The following CACNA1H variants were observed in gnomAD, a reference collection of about 807,000 sequenced individuals.
CACNA1H encodes the protein voltage-dependent T-type calcium channel subunit alpha-1H.
In CACNA1H, 149 loss-of-function variants were observed where a neutral mutation model predicts 192.5. That is an observed-to-expected ratio of 0.77 (90% CI 0.68 to 0.89). CACNA1H has a LOEUF of 0.89. Among genes scored for constraint, CACNA1H ranks in the 40% least tolerant of loss-of-function variants. CACNA1H has a pLI of 0.00. For missense variants in CACNA1H, 4,257 were observed against 3,423.5 expected (o/e 1.24, Z -6.08); for synonymous variants, 2,202 against 1,475.2 (o/e 1.49, Z -11.29).
At chr16:1,200,924 A>G in intron 8 of CACNA1H, 116 bp downstream of exon 8, 1 of 765,200 alleles carries the variant, frequency 1.3e-6, no homozygotes, top group Non-Finnish European at 2.2e-6. Flanking sequence ...TGAAGGGAGC[A>G]CACAGGGGAG....
At chr16:1,194,669 C>T (rs1170308826) in intron 2 of CACNA1H, among the ~76,000 whole-genome samples, 1 of 152,182 alleles carries the variant, frequency 6.6e-6, no homozygotes, top group Non-Finnish European at 1.5e-5. Flanking sequence ...GGCCTCACTA[C>T]CGATGCGGCC....
chr16:1,217,619 G>C (rs914473007), intron 31 of CACNA1H, among the ~76,000 whole-genome samples: 2 of 152,196 alleles, frequency 1.3e-5, no homozygotes, highest in African/African-American at 4.8e-5. Flanking sequence ...GTCAGCCGGC[G>C]CCTACTCATC....
At chr16:1,161,436 C>T (rs767450944) in intron 2 of CACNA1H, among the ~76,000 whole-genome samples, 1 of 152,232 alleles carries the variant, frequency 6.6e-6, no homozygotes, top group Non-Finnish European at 1.5e-5. Flanking sequence ...CCTCACTGGC[C>T]TGAGGACTGA....
chr16:1,185,002 CCTCA>C (rs1279276031), intron 2 of CACNA1H, among the ~76,000 whole-genome samples: 1 of 152,158 alleles, frequency 6.6e-6, no homozygotes, highest in Non-Finnish European at 1.5e-5. Flanking sequence ...GGAATGTTTC[CCTCA>C]CTCCAGAAGG....
intron 2 of CACNA1H, among the ~76,000 whole-genome samples, chr16:1,168,189 G>A (rs538743849): frequency 6.7e-6 from 1 of 150,006 alleles, no homozygotes; most frequent in Non-Finnish European, 1.5e-5. Context: ...CGGTTGATGT[G>A]GGATCCCCCC....
chr16:1,205,606 A>G (rs1968600409), intron 11 of CACNA1H, among the ~76,000 whole-genome samples: 2 of 152,244 alleles, frequency 1.3e-5, no homozygotes, highest in African/African-American at 2.4e-5. Flanking sequence ...ACCAGCTTAA[A>G]AGGCTGAATC....
chr16:1,175,265 G>A (rs898018833), intron 2 of CACNA1H, among the ~76,000 whole-genome samples: 18 of 152,164 alleles, frequency 1.2e-4, no homozygotes, highest in African/African-American at 4.1e-4. Context: ...GTGTAGGTGT[G>A]CCTACCAAGG....
At chr16:1,207,905 C>T (rs924657665) in intron 15 of CACNA1H, 45 bp downstream of exon 15, 24 of 1,548,364 alleles carry the variant, frequency 1.6e-5, no homozygotes, top group East Asian at 9.7e-5. Flanking sequence ...GGGTGGAGTA[C>T]GCTGGGCTGG....
At chr16:1,163,577 C>T (rs1963445201) in intron 2 of CACNA1H, among the ~76,000 whole-genome samples, 1 of 152,358 alleles carries the variant, frequency 6.6e-6, no homozygotes, top group Non-Finnish European at 1.5e-5. Flanking sequence ...ACACACGGTC[C>T]CTGCCCTGGT....
At chr16:1,169,147 C>G (rs1486295474) in intron 2 of CACNA1H, among the ~76,000 whole-genome samples, 1 of 137,168 alleles carries the variant, frequency 7.3e-6, no homozygotes, top group Non-Finnish European at 1.5e-5. Flanking sequence ...CTGGCAGCGG[C>G]CAGTCTTCCT....
At position 1,153,675 on chromosome 16, in the gene CACNA1H, CG is replaced by C. The variant is rs1961882577; in HGVS notation, c.-18-40del. 4 of 1,126,810 alleles carry C rather than the reference CG, an allele frequency of 3.5e-6. No homozygotes were observed. In the East Asian group the frequency reaches 1.1e-4, roughly 32 times the overall value. 69.8% of individuals were successfully genotyped at this position (1,126,810 alleles called of 1,614,324 possible). On this transcript the variant is annotated intron_variant, in intron 1 of 34. Transcript: ENST00000348261. ...CAGCTCCGCGCCGCGGGAGGCAGGGCGGGGGCGTCGCCACCGGCCCCGGGTC... is the reference window on the plus strand; with the variant it reads ...CAGCTCCGCGCCGCGGGAGGCAGGGCGGGGCGTCGCCACCGGCCCCGGGTC...
intron 8 of CACNA1H, 54 bp from the exon 9 acceptor site, chr16:1,201,609 G>T: frequency 6.7e-7 from 1 of 1,503,100 alleles, no homozygotes; most frequent in Non-Finnish European, 8.9e-7. Context: ...GGGCTCAGTG[G>T]CGAATCAGAG....
At chr16:1,193,408 C>A (rs1477603091) in intron 2 of CACNA1H, among the ~76,000 whole-genome samples, 2 of 152,272 alleles carry the variant, frequency 1.3e-5, no homozygotes, top group Non-Finnish European at 2.9e-5. Context: ...CTCCTGCCCC[C>A]ACCACCTTGA....
rs548931639 is a variant in CACNA1H at position 1,217,866 on chromosome 16, C to G, written c.5324-53C>G. ...GCATGTGGAGGCTGGGTGCATGTCCCGCCTCCACCCGGAGCGGGCTCGGCT... is the reference window on the plus strand; with the variant it reads ...GCATGTGGAGGCTGGGTGCATGTCCGGCCTCCACCCGGAGCGGGCTCGGCT... On this transcript the variant is annotated intron_variant, in intron 31 of 34. Transcript: ENST00000348261. 12 of 1,535,440 alleles carry G rather than the reference C, an allele frequency of 7.8e-6. No individual in the cohort carries two copies. In the African/African-American group the frequency reaches 1.6e-4, roughly 21 times the overall value.
At chr16:1,208,473 A>T (rs887949753) in intron 16 of CACNA1H, among the ~76,000 whole-genome samples, 2 of 152,222 alleles carry the variant, frequency 1.3e-5, no homozygotes, top group Admixed American at 6.5e-5. Context: ...CACAGCGCAC[A>T]GCACAGAAAG....
Position 1,200,445 on chromosome 16 carries a change from C to A in CACNA1H, c.993C>A (p.Gly331=), listed in dbSNP as rs770821118. The A allele has an allele frequency of 3.3e-5, 53 of 1,610,982 alleles. 1 individual carries two copies. The highest frequency in any genetic ancestry group is 3.3e-4 in the Middle Eastern group (2 of 6,084). The stretch of plus-strand genomic sequence containing the variant: ...CGCAGCCGCAGGCCGAGGGGGTGGG[C>A]GCTGCACGCAACGCCTGCATCAACT... ...AYTQPQAEGV[G]AARNACINWN... Residue 331 remains glycine, a synonymous_variant, in exon 7 of 35, where the codon GGC becomes GGA. Coordinates refer to ENST00000348261, the MANE Select transcript of CACNA1H (RefSeq NM_021098.3).
In CACNA1H at chr16:1,215,046, G is replaced by A. The variant is rs749522691; in HGVS notation, c.5004G>A (p.Leu1668=). The A allele has an allele frequency of 1.9e-6, 3 of 1,612,898 alleles. No individual in the cohort carries two copies. Among genetic ancestry groups the A allele is most frequent in the African/African-American group, 2.7e-5 (2 of 74,896 alleles). The change falls in exon 28 of 35, where the codon CTG becomes CTA. Residue 1668 remains leucine, a synonymous_variant. Coordinates refer to ENST00000348261, the MANE Select transcript of CACNA1H (RefSeq NM_021098.3). The part of the protein sequence containing the change: ...IVFVFEAALK[L]VAFGFRRFFK... ...TTGTCTTCGAGGCTGCACTGAAGCT[G>A]GTAGCATTTGGGTTCCGTCGGTTCT...
rs1396809665 is a variant in CACNA1H, at chr16:1,200,710, C to T, written c.1120-6C>T. ...GCGGGCCCAAGTCAAGCCACTGCCCCCCCAGGTGATCACGCTGGAAGGCTG... is the reference window on the plus strand; with the variant it reads ...GCGGGCCCAAGTCAAGCCACTGCCCTCCCAGGTGATCACGCTGGAAGGCTG... On this transcript the variant is annotated splice_polypyrimidine_tract_variant and splice_region_variant and intron_variant, in intron 7 of 34. Transcript: ENST00000348261. 1.9e-6 allele frequency: 3 copies of T among 1,565,510 alleles called. No homozygotes were observed. Among genetic ancestry groups the T allele is most frequent in the Non-Finnish European group, 1.7e-6 (2 of 1,155,078 alleles).
chr16:1,173,429 G>A (rs1190447375), intron 2 of CACNA1H, among the ~76,000 whole-genome samples: 1 of 152,228 alleles, frequency 6.6e-6, no homozygotes, highest in Admixed American at 6.5e-5. Flanking sequence ...GCGGACGGAC[G>A]AAGCCCAAAG....
Sources: gnomAD v4.1 joint callset for allele counts (sites outside exome capture counted in the v4.1 genomes callset) on GRCh38, gnomAD v4.1.1 for gene constraint, MANE v1.5 for transcripts, NCBI Gene and HGNC (gene_info 2026-07-23, HGNC 2026-07-21) for gene names.